The following NPC1 variants were observed in gnomAD, a reference collection of about 807,000 sequenced individuals.
The protein encoded by NPC1 is NPC intracellular cholesterol transporter 1.
Under a neutral mutation model 140.4 loss-of-function variants are expected in NPC1, and 85 were observed. The ratio of observed to expected loss-of-function variants is 0.61; its 90% CI spans 0.51 to 0.72. NPC1 has a LOEUF of 0.72. NPC1 is among the 30% of genes least tolerant of loss of function. The pLI, the probability that NPC1 is intolerant of heterozygous loss-of-function variation, is 0.00. For synonymous variants in NPC1, 656 were observed against 624.8 expected (o/e 1.05, Z -0.74); for missense variants, 1,504 against 1,623.8 (o/e 0.93, Z 1.27).
intron 1 of NPC1, chr18:23,524,104 T>A: frequency 6.2e-7 from 1 of 1,613,744 alleles, no homozygotes; most frequent in Middle Eastern, 1.7e-4. Context: ...ACTGCATCGT[T>A]GCACTTATGT....
chr18:23,554,971 T>C lies in NPC1; in HGVS notation c.1340A>G (p.Gln447Arg). The change falls in exon 9 of 25, where the codon CAA (glutamine) becomes CGA (arginine). Residue 447 changes from glutamine (Q) to arginine (R), a missense_variant. Physicochemically the swap from Gln to Arg is conservative, Grantham distance 43 (BLOSUM62 1). Transcript: ENST00000269228. Reference sequence around the variant, plus strand: ...GGCAGTAATGTTTTCGATGGCTATTTGTAAGTCAAGAACCTGAAAGAAGAT... The same window carrying C: ...GGCAGTAATGTTTTCGATGGCTATTCGTAAGTCAAGAACCTGAAAGAAGAT... ...IQILHQVLDL[Q>R]IAIENITASY... 1 of 1,610,886 alleles carries C rather than the reference T, an allele frequency of 6.2e-7. No homozygotes were observed.
chr18:23,516,718 TTTCTTC>T (rs142986954), intron 3 of NPC1, among the ~76,000 whole-genome samples: 2 of 145,320 alleles, frequency 1.4e-5, no homozygotes, highest in Non-Finnish European at 3.0e-5. Flanking sequence ...TGTTTTAGAA[TTTCTTC>T]TTCTTTTTTT....
chr18:23,560,695 T>G (rs999075663), intron 5 of NPC1, among the ~76,000 whole-genome samples: 2 of 152,232 alleles, frequency 1.3e-5, no homozygotes, highest in African/African-American at 4.8e-5. Context: ...GGTTTGTCAC[T>G]GATAGAGGAA....
chr18:23,524,420 A>C, downstream of NPC1: 1 of 1,613,664 alleles, frequency 6.2e-7, no homozygotes, highest in Non-Finnish European at 8.5e-7. Flanking sequence ...AATTTCCTAT[A>C]ACATGTGGAT....
At position 23,536,866 on chromosome 18, in the gene NPC1, C is replaced by T. The variant is rs146666146; in HGVS notation, c.3052G>A (p.Ala1018Thr). The T allele has an allele frequency of 8.1e-6, 13 of 1,613,700 alleles. No individual in the cohort carries two copies. Among genetic ancestry groups the T allele is most frequent in the Non-Finnish European group, 7.6e-6 (9 of 1,179,902 alleles). The change falls in exon 21 of 25, where the codon GCC (alanine) becomes ACC (threonine). Residue 1018 changes from alanine to threonine, a missense_variant. Ala to Thr is a moderately conservative substitution (Grantham distance 58). Transcript: ENST00000269228. The part of the protein sequence containing the change: ...NPKCGKGGHA[A>T]YSSAVNILLG... ...AGGATGTTAACTGCAGAACTATAGG[C>T]AGCATGTCCCCTGAGGAAAGAATCC...
rs1652377 is a variant in NPC1, at chr18:23,533,587, A to G, written c.3592-70T>C. 39,363 of 1,458,710 alleles carry G rather than the reference A, an allele frequency of 0.027. 2,406 individuals are homozygous for G. The East Asian group carries it at 0.28, about 10-fold the overall frequency. The allele number at this position is 1,458,710 out of a possible 1,614,324, so 90.4% of individuals were successfully genotyped here. On this transcript the variant is annotated intron_variant, in intron 23 of 24. Coordinates refer to ENST00000269228, the MANE Select transcript of NPC1 (RefSeq NM_000271.5). ...TAATTGAACAAAAACACTTCCTTAC[A>G]AGGATTTCTCCCAGGTTCAAGTGAT...
chr18:23,506,809 A>G (rs539674138), intron 3 of NPC1, among the ~76,000 whole-genome samples: 7 of 152,308 alleles, frequency 4.6e-5, no homozygotes, highest in African/African-American at 1.4e-4. Flanking sequence ...TGGATTTGGT[A>G]GTTTGAAAAG....
At chr18:23,520,149 A>C, downstream of NPC1, 1 of 1,407,502 alleles carries the variant, frequency 7.1e-7, no homozygotes, top group Non-Finnish European at 1.0e-6. Context: ...AATGAAAGCA[A>C]CTGGGCAAAC....
At chr18:23,561,105 G>A (rs376284639) in intron 5 of NPC1, among the ~76,000 whole-genome samples, 14 of 152,152 alleles carry the variant, frequency 9.2e-5, no homozygotes, top group African/African-American at 3.4e-4. Flanking sequence ...TTGAACTCCT[G>A]GACCCACGCA....
intron 6 of NPC1, among the ~76,000 whole-genome samples, chr18:23,557,455 CT>C (rs1298097111): frequency 6.6e-6 from 1 of 152,174 alleles, no homozygotes; most frequent in East Asian, 1.9e-4. Context: ...CTTTTAGGTC[CT>C]TTAAAAACAC....
At chr18:23,543,640 G>A (rs2058743847) in intron 13 of NPC1, 71 bp from the exon 14 acceptor site, 1 of 888,410 alleles carries the variant, frequency 1.1e-6, no homozygotes, top group Non-Finnish European at 1.8e-6. Context: ...TTGCTGCCTT[G>A]TGTTAACTCA....
In NPC1 at chr18:23,556,453, C is replaced by T. The variant is rs947484362; in HGVS notation, c.1116G>A (p.Arg372=). The change falls in exon 8 of 25, where the codon CGG becomes CGA. Residue 372 remains arginine, a synonymous_variant. Transcript: ENST00000269228. The stretch of plus-strand genomic sequence containing the variant: ...AGAGGTCAACTGGATTGGTTGTGAC[C>T]CGGACAAACACCAGGCCTGACGAAC... ...TACSSGLVFV[R]VTTNPVDLWS... 1.2e-6 allele frequency: 2 copies of T among 1,614,110 alleles called. No individual in the cohort carries two copies. Among genetic ancestry groups the T allele is most frequent in the African/African-American group, 1.3e-5 (1 of 75,012 alleles).
chr18:23,581,922 T>C (rs2059360768), intron 1 of NPC1: 1 of 152,216 alleles, frequency 6.6e-6, no homozygotes, highest in Non-Finnish European at 1.5e-5. Flanking sequence ...CCATCAACTA[T>C]GAAGAAGACA....
chr18:23,575,374 T>G (rs1160247437), intron 1 of NPC1, among the ~76,000 whole-genome samples: 2 of 152,242 alleles, frequency 1.3e-5, no homozygotes, highest in East Asian at 3.9e-4. Flanking sequence ...CGGAGTGGGA[T>G]CGAGTCCTGG....
At chr18:23,582,505 C>G (rs1237993484) in intron 1 of NPC1, among the ~76,000 whole-genome samples, 3 of 152,194 alleles carry the variant, frequency 2.0e-5, no homozygotes, top group South Asian at 4.2e-4. Flanking sequence ...ATCTTATGAT[C>G]AAAGAATCCC....
chr18:23,567,497 TTGAG>T (rs2145518234), intron 4 of NPC1, among the ~76,000 whole-genome samples: 1 of 152,346 alleles, frequency 6.6e-6, no homozygotes, highest in South Asian at 2.1e-4. Flanking sequence ...TGCTTTCTTA[TTGAG>T]TTTTAGGAGT....
chr18:23,538,471 G>C, intron 20 of NPC1, 71 bp downstream of exon 20: 1 of 1,577,514 alleles, frequency 6.3e-7, no homozygotes, highest in Non-Finnish European at 8.7e-7. Context: ...TCTTAGCCCA[G>C]TCCTCTCCTA....
At chr18:23,536,944 T>G (rs2058640103) in intron 20 of NPC1, 68 bp from the exon 21 acceptor site, 4 of 1,327,454 alleles carry the variant, frequency 3.0e-6, no homozygotes, top group Non-Finnish European at 3.2e-6. Context: ...TCTGAGCACT[T>G]GAGGCTAAGC....
At chr18:23,551,534 A>C in intron 10 of NPC1, 93 bp downstream of exon 10, 1 of 982,860 alleles carries the variant, frequency 1.0e-6, no homozygotes, top group Non-Finnish European at 1.6e-6. Context: ...AAAACTGCCC[A>C]ATTTATGAAA....
Sources: gnomAD v4.1 joint callset for allele counts (sites outside exome capture counted in the v4.1 genomes callset) on GRCh38, gnomAD v4.1.1 for gene constraint, MANE v1.5 for transcripts, NCBI Gene and HGNC (gene_info 2026-07-23, HGNC 2026-07-21) for gene names.